PDE9A: variants seen among roughly 807,000 people sequenced by gnomAD.
PDE9A encodes high affinity cGMP-specific 3',5'-cyclic phosphodiesterase 9A.
PDE9A carries 60 observed loss-of-function variants against 87.4 expected under a neutral mutation model. The observed-to-expected ratio is 0.69, with a 90% CI of 0.56 to 0.85. The LOEUF is 0.85. Ranked by LOEUF, PDE9A falls within the 40% of genes least tolerant of loss-of-function variation. PDE9A has a pLI of 0.00. For synonymous variants in PDE9A, 272 were observed against 279.4 expected, an observed-to-expected ratio of 0.97 and a Z score of 0.27; for missense variants, 665 against 779.0, an observed-to-expected ratio of 0.85 and a Z score of 1.74.
In PDE9A at chr21:42,759,788, GGTGT is replaced by G. The variant is rs1290525203; in HGVS notation, c.898-536_898-533del. ...GTGCATGTGTGTATCTGGATGTGGG[GGTGT>G]GTGAGGGTGGATGTGTGCATGTGTG... On this transcript the variant is annotated intron_variant, in intron 11 of 19. Coordinates refer to ENST00000291539, the MANE Select transcript of PDE9A (RefSeq NM_002606.3). This position sits in a 1 kb window ranked among gnomAD's most constrained non-coding sequence, Gnocchi z 7.2. 6.8e-6 allele frequency among the ~76,000 whole-genome samples: 1 copy of G among 147,716 alleles called. No homozygotes were observed. The highest frequency in any genetic ancestry group is 2.2e-4 in the South Asian group (1 of 4,548).
At chr21:42,668,486 AG>A (rs1473658351) in intron 1 of PDE9A, among the ~76,000 whole-genome samples, 1 of 152,226 alleles carries the variant, frequency 6.6e-6, no homozygotes, top group Admixed American at 6.5e-5. Context: ...GCAACTGGCG[AG>A]AGGCCTTCAG....
intron 18 of PDE9A, among the ~76,000 whole-genome samples, chr21:42,772,096 C>G (rs1429490683): frequency 3.0e-5 from 4 of 135,272 alleles, no homozygotes; most frequent in African/African-American, 1.2e-4. Flanking sequence ...CCTCTGCCTT[C>G]CCCCCTGTCA....
At chr21:42,678,082 G>A (rs188988716) in intron 1 of PDE9A, among the ~76,000 whole-genome samples, 66 of 152,318 alleles carry the variant, frequency 4.3e-4, no homozygotes, top group Non-Finnish European at 7.1e-4. Flanking sequence ...AGAAATATTC[G>A]CGGCAGCTGC....
At chr21:42,728,999 CAAAA>C (rs1004336745) in intron 4 of PDE9A, among the ~76,000 whole-genome samples, 1 of 94,410 alleles carries the variant, frequency 1.1e-5, no homozygotes. Flanking sequence ...GACTCAGTCT[CAAAA>C]AAAAAAAAAA....
At chr21:42,677,787 C>T (rs964151291) in intron 1 of PDE9A, among the ~76,000 whole-genome samples, 18 of 152,170 alleles carry the variant, frequency 1.2e-4, no homozygotes, top group African/African-American at 4.1e-4. Context: ...GGACTACAGG[C>T]ACATGCCCCC....
intron 3 of PDE9A, chr21:42,689,835 A>G (rs2059690558): frequency 1.0e-6 from 1 of 985,254 alleles, no homozygotes; most frequent in Non-Finnish European, 1.2e-6. Flanking sequence ...TGATATGGAC[A>G]TGGCAGTGGA....
chr21:42,764,833 C>T (rs1419052017), intron 14 of PDE9A, among the ~76,000 whole-genome samples: 3 of 152,102 alleles, frequency 2.0e-5, no homozygotes, highest in Non-Finnish European at 4.4e-5. Context: ...AAGTGATCCC[C>T]CCAAAAAAAT....
chr21:42,753,338 C>G (rs1343531724), intron 9 of PDE9A, among the ~76,000 whole-genome samples: 1 of 152,158 alleles, frequency 6.6e-6, no homozygotes, highest in African/African-American at 2.4e-5. Context: ...TTGTTGAGGT[C>G]TAATTTACAT....
chr21:42,679,318 A>T (rs1366761877), intron 1 of PDE9A, among the ~76,000 whole-genome samples: 1 of 152,140 alleles, frequency 6.6e-6, no homozygotes, highest in Non-Finnish European at 1.5e-5. Flanking sequence ...GAGCTGCCTC[A>T]TCCCTCGCTC....
At chr21:42,772,650 T>G in intron 19 of PDE9A, 130 bp downstream of exon 19, 1 of 634,826 alleles carries the variant, frequency 1.6e-6, no homozygotes, top group Non-Finnish European at 2.7e-6. Flanking sequence ...TTTTTTTTTT[T>G]GAAACTAAGT....
Position 42,770,757 on chromosome 21 carries a change from C to T in PDE9A, c.1645C>T (p.Arg549Cys), listed in dbSNP as rs1324452006. 15 of 1,614,074 alleles carry T rather than the reference C, an allele frequency of 9.3e-6. No individual in the cohort carries two copies. In the East Asian group the frequency reaches 1.3e-4, roughly 14 times the overall value. ...GCAGCCACTTTGGGAATCCCGAGAT[C>T]GCTACGAGGAGCTGAAGCGGATAGA... Reference protein sequence around the residue: ...MLQPLWESRDRYEELKRIDDA... With the variant: ...MLQPLWESRDCYEELKRIDDA... The change falls in exon 18 of 20, where the codon CGC (arginine) becomes TGC (cysteine). Residue 549 changes from arginine (R) to cysteine (C), a missense_variant. Coordinates refer to ENST00000291539, the MANE Select transcript of PDE9A (RefSeq NM_002606.3).
At chr21:42,703,143 C>T (rs2048512811) in intron 4 of PDE9A, among the ~76,000 whole-genome samples, 1 of 152,200 alleles carries the variant, frequency 6.6e-6, no homozygotes, top group Admixed American at 6.5e-5. Flanking sequence ...GAGACCCATC[C>T]GGGGCTTCTT....
At chr21:42,726,624 A>ATATATATATATATATATATTTTTTTTTT in intron 4 of PDE9A, among the ~76,000 whole-genome samples, 1 of 19,780 alleles carries the variant, frequency 5.1e-5, no homozygotes, top group Non-Finnish European at 7.5e-5. Context: ...ATATATATAT[A>ATATATATATATATATATATTTTTTTTTT]TTTTTTTTTT....
At chr21:42,667,671 CA>C (rs1446989167) in intron 1 of PDE9A, among the ~76,000 whole-genome samples, 2 of 152,154 alleles carry the variant, frequency 1.3e-5, no homozygotes, top group Non-Finnish European at 2.9e-5. Flanking sequence ...AGGCCTCTTG[CA>C]AGAACCAGGC....
At chr21:42,669,631 C>A (rs1257432622) in intron 1 of PDE9A, among the ~76,000 whole-genome samples, 1 of 152,210 alleles carries the variant, frequency 6.6e-6, no homozygotes, top group East Asian at 1.9e-4. Flanking sequence ...CTGGAATCAG[C>A]AGACTGAGGC....
At chr21:42,674,305 C>G (rs900899621) in intron 1 of PDE9A, among the ~76,000 whole-genome samples, 3 of 137,160 alleles carry the variant, frequency 2.2e-5, no homozygotes, top group Admixed American at 1.6e-4. Context: ...GAGCTTTAGG[C>G]TTTAGACATT....
intron 19 of PDE9A, among the ~76,000 whole-genome samples, chr21:42,774,035 T>C (rs9637309): frequency 0.028 from 4,227 of 149,526 alleles, 203 homozygotes; most frequent in African/African-American, 0.098. Context: ...GCCAAGATCG[T>C]GCCACTGCAC....
chr21:42,725,984 T>C (rs1312963853), intron 4 of PDE9A, among the ~76,000 whole-genome samples: 3 of 152,194 alleles, frequency 2.0e-5, no homozygotes, highest in Admixed American at 2.0e-4. Context: ...CCACGGGGGT[T>C]GGCATTATTT....
rs375148519 is a variant in PDE9A at position 42,668,898 on chromosome 21, A to ACCCCCCCCCCCCCC, written c.69+15021_69+15022insCCCCCCCCCCCCCC. 2.4e-4 allele frequency among the ~76,000 whole-genome samples: 25 copies of ACCCCCCCCCCCCCC among 104,830 alleles called. 1 individual carries two copies. The highest frequency in any genetic ancestry group is 9.7e-4 in the African/African-American group (21 of 21,694). The allele number at this position is 104,830 out of a possible 152,430, so 68.8% of individuals were successfully genotyped here. A position where few individuals can be genotyped will look rare whatever the true frequency, so the allele number is the denominator to read the frequency against. ...ACGGATTATCAGAGCTGCTCCCTCC[A>ACCCCCCCCCCCCCC]CCCCCCGCCACGTCCCACGCGGGCC... On this transcript the variant is annotated intron_variant, in intron 1 of 19. Transcript: ENST00000291539.
Sources: gnomAD v4.1 joint callset for allele counts (sites outside exome capture counted in the v4.1 genomes callset) on GRCh38, gnomAD v4.1.1 for gene constraint, Gnocchi (gnomAD v3.1) non-coding constraint, MANE v1.5 for transcripts, NCBI Gene and HGNC (gene_info 2026-07-23, HGNC 2026-07-21) for gene names.